CDH13: variants seen among roughly 807,000 people sequenced by gnomAD.
The protein encoded by CDH13 is cadherin 13, also known as cadherin-13.
A neutral mutation model predicts 63.8 loss-of-function variants in CDH13; 24 were observed. The ratio of observed to expected loss-of-function variants is 0.38; its 90% CI spans 0.27 to 0.53. The LOEUF (loss-of-function observed/expected upper bound fraction) is 0.53, where lower values mean the gene tolerates loss of function less well. CDH13 is among the 20% of genes least tolerant of loss of function. The pLI is 0.85. For missense variants in CDH13, 1,049 were observed against 903.1 expected (o/e 1.16, Z -2.07); for synonymous variants, 503 against 355.3 (o/e 1.42, Z -4.67).
intron 1 of CDH13, among the ~76,000 whole-genome samples, chr16:82,816,223 C>T (rs1287371200): frequency 6.6e-6 from 1 of 152,130 alleles, no homozygotes; most frequent in Non-Finnish European, 1.5e-5. Context: ...ACAGGCACAT[C>T]CTTGTTCTTC....
chr16:83,138,378 T>C (rs2036389823), intron 4 of CDH13, among the ~76,000 whole-genome samples: 2 of 151,598 alleles, frequency 1.3e-5, no homozygotes. Flanking sequence ...TGTGGGATCT[T>C]GGAAAAATCG....
chr16:83,243,601 C>A (rs1904693613), intron 5 of CDH13, among the ~76,000 whole-genome samples: 1 of 152,132 alleles, frequency 6.6e-6, no homozygotes, highest in Non-Finnish European at 1.5e-5. Flanking sequence ...CTGGGAGATT[C>A]ACTTGGCAAT....
chr16:83,259,200 T>C (rs17678195), intron 5 of CDH13, among the ~76,000 whole-genome samples: 27,235 of 152,170 alleles, frequency 0.18, 2,589 homozygotes, highest in East Asian at 0.25. Flanking sequence ...ATAAACCTTA[T>C]GGATGGGAAA....
chr16:83,493,472 T>C (rs540176889), intron 7 of CDH13, among the ~76,000 whole-genome samples: 2 of 152,210 alleles, frequency 1.3e-5, no homozygotes, highest in Non-Finnish European at 2.9e-5. Flanking sequence ...AAAGCAGATA[T>C]GTCGACAGCA....
At position 82,813,704 on chromosome 16, in the gene CDH13, A is replaced by C. The variant is rs9888863; in HGVS notation, c.46-44658A>C. On this transcript the variant is annotated intron_variant, in intron 1 of 13. Transcript: ENST00000567109. ...TAGAGCCTGTGAGGCCCAGGCTTTT[A>C]AAGATTCGGCACTGAAAGAAACTAA... Among the ~76,000 whole-genome samples the C allele has an allele frequency of 7.6e-3, 1,152 of 152,246 alleles. 10 individuals carry two copies. The highest frequency in any genetic ancestry group is 0.027 in the African/African-American group (1,124 of 41,556).
chr16:82,662,214 T>C (rs1912029481), intron 1 of CDH13, among the ~76,000 whole-genome samples: 2 of 152,346 alleles, frequency 1.3e-5, no homozygotes, highest in East Asian at 3.9e-4. Flanking sequence ...CTTTATGATA[T>C]TAATTTCACT....
intron 2 of CDH13, among the ~76,000 whole-genome samples, chr16:82,915,887 T>C (rs1341646934): frequency 6.6e-6 from 1 of 150,502 alleles, no homozygotes; most frequent in East Asian, 1.9e-4. Context: ...TCACAGCCTC[T>C]GGAATCCTGG....
chr16:83,689,755 C>CA (rs973694482), intron 10 of CDH13, among the ~76,000 whole-genome samples: 4 of 152,084 alleles, frequency 2.6e-5, no homozygotes, highest in African/African-American at 9.7e-5. Context: ...GTAGGCTGCA[C>CA]ATGTGAAAGG....
At chr16:82,980,608 A>G (rs1436946654) in intron 2 of CDH13, among the ~76,000 whole-genome samples, 3 of 152,236 alleles carry the variant, frequency 2.0e-5, no homozygotes, top group African/African-American at 7.2e-5. Flanking sequence ...AATCCTCCCA[A>G]CAATCTAGGA....
chr16:82,847,055 G>A (rs540638319), intron 1 of CDH13, among the ~76,000 whole-genome samples: 4 of 151,842 alleles, frequency 2.6e-5, no homozygotes, highest in South Asian at 4.2e-4. Context: ...TCCCCACCTC[G>A]CCTTCAAATT....
At chr16:82,903,948 CTG>C (rs2041556671) in intron 2 of CDH13, among the ~76,000 whole-genome samples, 1 of 152,154 alleles carries the variant, frequency 6.6e-6, no homozygotes, top group African/African-American at 2.4e-5. Flanking sequence ...GTCTGCTTCT[CTG>C]TATGTCTCTC....
chr16:82,978,960 C>A (rs1909895963), intron 2 of CDH13, among the ~76,000 whole-genome samples: 1 of 152,176 alleles, frequency 6.6e-6, no homozygotes, highest in Non-Finnish European at 1.5e-5. Context: ...GGGGTTGTAC[C>A]CTGCAAAGCC....
intron 4 of CDH13, among the ~76,000 whole-genome samples, chr16:83,212,774 T>C (rs1350802076): frequency 6.6e-6 from 1 of 152,082 alleles, no homozygotes; most frequent in Non-Finnish European, 1.5e-5. Flanking sequence ...AAAGCTCAGA[T>C]TGCCAGCAAT....
intron 6 of CDH13, among the ~76,000 whole-genome samples, chr16:83,435,323 A>T (rs2072261518): frequency 6.6e-6 from 1 of 152,074 alleles, no homozygotes; most frequent in Non-Finnish European, 1.5e-5. Flanking sequence ...GGATTACAAG[A>T]GTGAGCCACT....
At chr16:82,911,829 A>G (rs1030064179) in intron 2 of CDH13, among the ~76,000 whole-genome samples, 1 of 152,032 alleles carries the variant, frequency 6.6e-6, no homozygotes, top group Non-Finnish European at 1.5e-5. Context: ...CAAATTCCCC[A>G]AAAGCCCCGT....
intron 6 of CDH13, among the ~76,000 whole-genome samples, chr16:83,413,841 A>T (rs891098796): frequency 6.6e-6 from 1 of 151,972 alleles, no homozygotes; most frequent in Non-Finnish European, 1.5e-5. Flanking sequence ...TACAAAAAAA[A>T]TTTGCTAGGT....
chr16:83,134,832 T>C (rs1050030006), intron 4 of CDH13, among the ~76,000 whole-genome samples: 1 of 152,142 alleles, frequency 6.6e-6, no homozygotes, highest in Admixed American at 6.5e-5. Flanking sequence ...AATACATATA[T>C]ATGCAAAACT....
chr16:83,469,130 C>T (rs573251726), intron 6 of CDH13, among the ~76,000 whole-genome samples: 1 of 152,122 alleles, frequency 6.6e-6, no homozygotes, highest in Non-Finnish European at 1.5e-5. Context: ...TCAGCAGAAG[C>T]AGAAAGTTCA....
At position 82,688,030 on chromosome 16, in the gene CDH13, A is replaced by G. The variant is rs16958286; in HGVS notation, c.45+60893A>G. On this transcript the variant is annotated intron_variant, in intron 1 of 13. Transcript: ENST00000567109. ...GTAGGCCCTCAGTGATCACAGATCT[A>G]TATGGCAGCAATGGTTCAAGTGCAG... 2.0e-3 allele frequency among the ~76,000 whole-genome samples: 299 copies of G among 152,362 alleles called. 1 individual carries two copies. The highest frequency in any genetic ancestry group is 6.8e-3 in the African/African-American group (281 of 41,588).
Sources: allele counts gnomAD v4.1 joint callset (sites outside exome capture counted in the v4.1 genomes callset), GRCh38; gene constraint gnomAD v4.1.1; transcripts MANE v1.5; gene names NCBI Gene and HGNC (gene_info 2026-07-23, HGNC 2026-07-21).